The following INPP4B variants were observed in gnomAD, a reference collection of about 807,000 sequenced individuals.
INPP4B encodes the protein inositol polyphosphate 4-phosphatase type II.
INPP4B carries 55 observed loss-of-function variants against 122.5 expected under a neutral mutation model. The ratio of observed to expected loss-of-function variants is 0.45; its 90% CI spans 0.36 to 0.56. The LOEUF (loss-of-function observed/expected upper bound fraction) is 0.56, where lower values mean the gene tolerates loss of function less well. Ranked by LOEUF, INPP4B falls within the 20% of genes least tolerant of loss-of-function variation. The pLI is 0.00. For synonymous variants in INPP4B, 403 were observed against 388.7 expected (o/e 1.04, Z -0.43); for missense variants, 1,000 against 1,097.7 (o/e 0.91, Z 1.26).
chr4:142,726,485 G>A lies in INPP4B; in HGVS notation c.-253-584C>T, dbSNP rs527663921. Among the ~76,000 whole-genome samples, 20 of 152,152 alleles carry A rather than the reference G, an allele frequency of 1.3e-4. No individual in the cohort carries two copies. The South Asian group carries it at 1.7e-3, about 13-fold the overall frequency. On this transcript the variant is annotated intron_variant, in intron 1 of 25. Transcript: ENST00000262992. ...GCAACAAGGAGGAAAGTACTTTATCGAAGTCAAAAGTTATGAAAATATATC... is the reference window on the plus strand; with the variant it reads ...GCAACAAGGAGGAAAGTACTTTATCAAAGTCAAAAGTTATGAAAATATATC...
At chr4:142,114,698 T>A (rs1169825108) in intron 21 of INPP4B, among the ~76,000 whole-genome samples, 1 of 152,090 alleles carries the variant, frequency 6.6e-6, no homozygotes, top group Non-Finnish European at 1.5e-5. Flanking sequence ...GTAAATATTA[T>A]CTTCTAATCT....
intron 10 of INPP4B, among the ~76,000 whole-genome samples, chr4:142,267,751 C>T (rs1294702032): frequency 1.3e-5 from 2 of 152,064 alleles, no homozygotes; most frequent in East Asian, 3.9e-4. Context: ...TTCTGCACAG[C>T]AAAGGAAACA....
At chr4:142,395,874 A>G (rs2322549) in intron 7 of INPP4B, among the ~76,000 whole-genome samples, 79,604 of 151,934 alleles carry the variant, frequency 0.52, 23,470 homozygotes, top group South Asian at 0.78. Flanking sequence ...AGAGAGTAAA[A>G]TTGTGATTGC....
intron 3 of INPP4B, among the ~76,000 whole-genome samples, chr4:142,433,741 T>C (rs1464238043): frequency 6.6e-6 from 1 of 152,164 alleles, no homozygotes; most frequent in Non-Finnish European, 1.5e-5. Flanking sequence ...GTAAATCAAA[T>C]AGCATCTTCG....
At chr4:142,095,552 C>T (rs1781454645) in intron 23 of INPP4B, among the ~76,000 whole-genome samples, 1 of 152,100 alleles carries the variant, frequency 6.6e-6, no homozygotes, top group African/African-American at 2.4e-5. Flanking sequence ...TTTTCAGTAT[C>T]CATCTTACTT....
At chr4:142,273,193 C>T (rs1746704160) in intron 9 of INPP4B, among the ~76,000 whole-genome samples, 1 of 151,920 alleles carries the variant, frequency 6.6e-6, no homozygotes, top group Non-Finnish European at 1.5e-5. Context: ...ATGTAAAGTG[C>T]TCAACACAAT....
intron 2 of INPP4B, among the ~76,000 whole-genome samples, chr4:142,502,490 T>TA (rs1360015332): frequency 2.0e-5 from 3 of 152,108 alleles, no homozygotes; most frequent in African/African-American, 7.2e-5. Flanking sequence ...CTGCCTTTAT[T>TA]ATTTATTTAT....
chr4:142,084,284 C>A (rs559255797), intron 24 of INPP4B, among the ~76,000 whole-genome samples: 1 of 151,960 alleles, frequency 6.6e-6, no homozygotes, highest in East Asian at 1.9e-4. Context: ...CCACCATGCC[C>A]GGCTAATTTT....
chr4:142,248,630 ATG>A (rs35550228), intron 11 of INPP4B, among the ~76,000 whole-genome samples: 112,420 of 148,512 alleles, frequency 0.76, 43,410 homozygotes, highest in East Asian at 0.93. Flanking sequence ...CACTCTCTGT[ATG>A]TGTGTGTGTG....
At chr4:142,422,038 G>A (rs1580010164) in intron 5 of INPP4B, among the ~76,000 whole-genome samples, 1 of 152,076 alleles carries the variant, frequency 6.6e-6, no homozygotes, top group East Asian at 1.9e-4. Context: ...GCTTCTGTAA[G>A]ATCTTTAGAA....
intron 2 of INPP4B, among the ~76,000 whole-genome samples, chr4:142,544,573 A>G (rs907683811): frequency 2.0e-5 from 3 of 152,156 alleles, no homozygotes; most frequent in Non-Finnish European, 4.4e-5. Flanking sequence ...AGAATAAAGC[A>G]GATTATGATG....
intron 9 of INPP4B, among the ~76,000 whole-genome samples, chr4:142,277,780 C>G (rs1749300777): frequency 6.6e-6 from 1 of 151,354 alleles, no homozygotes; most frequent in South Asian, 2.1e-4. Context: ...GAATTGGAGA[C>G]CATTATTCTA....
intron 2 of INPP4B, among the ~76,000 whole-genome samples, chr4:142,475,782 CAAAA>C (rs1162280887): frequency 6.6e-6 from 1 of 151,842 alleles, no homozygotes; most frequent in Non-Finnish European, 1.5e-5. Context: ...TTAACTCAGA[CAAAA>C]AACAAACAAA....
intron 2 of INPP4B, among the ~76,000 whole-genome samples, chr4:142,536,516 C>T (rs1267800384): frequency 6.6e-6 from 1 of 152,148 alleles, no homozygotes; most frequent in Non-Finnish European, 1.5e-5. Context: ...TTATTTCCCA[C>T]TAAGTAGCAA....
intron 25 of INPP4B, among the ~76,000 whole-genome samples, chr4:142,036,663 T>C (rs1192638181): frequency 1.3e-5 from 2 of 152,192 alleles, no homozygotes; most frequent in Admixed American, 1.3e-4. Flanking sequence ...ATTAAAAGGT[T>C]TTTGTTTTTG....
chr4:142,817,451 T>A (rs532569573), intron 1 of INPP4B, among the ~76,000 whole-genome samples: 9 of 152,294 alleles, frequency 5.9e-5, no homozygotes, highest in African/African-American at 2.2e-4. Context: ...AAACTGCATA[T>A]GGAGTGCTTT....
intron 21 of INPP4B, 117 bp from the exon 22 acceptor site, chr4:142,112,799 T>G: frequency 1.2e-6 from 1 of 837,404 alleles, no homozygotes. Context: ...AGGTTTCTGT[T>G]GCTATATGCT....
intron 11 of INPP4B, among the ~76,000 whole-genome samples, chr4:142,244,980 T>C (rs1460768435): frequency 1.3e-5 from 2 of 152,246 alleles, no homozygotes; most frequent in Non-Finnish European, 2.9e-5. Flanking sequence ...TGACCAGTGA[T>C]GATGAGTTAT....
rs1780706253 is a variant in INPP4B at position 142,347,674 on chromosome 4, T to C, written c.373-32912A>G. The stretch of plus-strand genomic sequence containing the variant: ...TCATTAATTAAAATATTTGAGTAAA[T>C]AATTTCTATGTAAACTTTTCTATAG... On this transcript the variant is annotated intron_variant, in intron 7 of 25. Transcript: ENST00000262992. 13 of 319,036 alleles carry C rather than the reference T, an allele frequency of 4.1e-5. No homozygotes were observed. In the Admixed American group the frequency reaches 5.4e-4, roughly 13 times the overall value. 19.8% of individuals were successfully genotyped at this position (319,036 alleles called of 1,614,324 possible).
Sources: allele counts gnomAD v4.1 joint callset (sites outside exome capture counted in the v4.1 genomes callset), GRCh38; gene constraint gnomAD v4.1.1; transcripts MANE v1.5; gene names NCBI Gene and HGNC (gene_info 2026-07-23, HGNC 2026-07-21).